Variants in MYO5C observed in about 807,000 individuals in gnomAD.
The protein encoded by MYO5C is myosin VC.
A neutral mutation model predicts 235.7 loss-of-function variants in MYO5C; 194 were observed. The ratio of observed to expected loss-of-function variants is 0.82; its 90% CI spans 0.73 to 0.93. The LOEUF is 0.93. Ranked by LOEUF, MYO5C falls within the 40% of genes least tolerant of loss-of-function variation. MYO5C has a pLI of 0.00. For missense variants in MYO5C, 2,038 were observed against 2,127.2 expected, an observed-to-expected ratio of 0.96 and a Z score of 0.82; for synonymous variants, 707 against 754.8, an observed-to-expected ratio of 0.94 and a Z score of 1.04.
intron 21 of MYO5C, among the ~76,000 whole-genome samples, chr15:52,238,161 A>C (rs941422844): frequency 6.6e-6 from 1 of 152,192 alleles, no homozygotes; most frequent in African/African-American, 2.4e-5. Flanking sequence ...GAGAGGCCTC[A>C]GAAGAAACCA....
chr15:52,248,819 G>C (rs1273494406), intron 13 of MYO5C, 36 bp from the exon 14 acceptor site: 2 of 1,445,192 alleles, frequency 1.4e-6, no homozygotes, highest in South Asian at 1.2e-5. Flanking sequence ...TCCCAAAGAG[G>C]CCAAAGAATA....
Position 52,264,205 on chromosome 15 carries a change from C to T in MYO5C, c.1032G>A (p.Glu344=), listed in dbSNP as rs1364048177. The change falls in exon 9 of 41, where the codon GAG becomes GAA. Residue 344 remains glutamate, a synonymous_variant. Transcript: ENST00000261839. The part of the protein sequence containing the change: ...GNVQITAVGN[E]RSSVSEDDSH... ...AGCATCTCACACTAACTGAGGACCT[C>T]TCGTTGCCCACCGCGGTGATCTGCA... The T allele has an allele frequency of 6.2e-7, 1 of 1,613,072 alleles. No homozygotes were observed. The highest frequency in any genetic ancestry group is 1.7e-5 in the Admixed American group (1 of 59,966).
In MYO5C at chr15:52,218,555, G is replaced by C. The variant is rs758636522; in HGVS notation, c.3918C>G (p.Phe1306Leu). ...AAGTGAGCCGGGATGCTTCCTGCCG[G>C]AAGTTACACTTGACTTCACTTTCAG... The part of the protein sequence containing the change: ...FETESEVKCN[F>L]RQEASRLTLE... The change falls in exon 32 of 41, where the codon TTC becomes TTG. Residue 1306 changes from phenylalanine (F) to leucine (L), a missense_variant. Transcript: ENST00000261839. 6.2e-7 allele frequency: 1 copy of C among 1,614,100 alleles called. No individual in the cohort carries two copies. Among genetic ancestry groups the C allele is most frequent in the Non-Finnish European group, 8.5e-7 (1 of 1,180,040 alleles).
At chr15:52,221,397 G>T in intron 29 of MYO5C, 142 bp from the exon 30 acceptor site, 1 of 582,010 alleles carries the variant, frequency 1.7e-6, no homozygotes, top group Admixed American at 3.2e-5. Flanking sequence ...ACATTAGACT[G>T]GATTAACATT....
At chr15:52,247,140 C>G (rs2036366442) in intron 15 of MYO5C, 126 bp from the exon 16 acceptor site, 1 of 771,860 alleles carries the variant, frequency 1.3e-6, no homozygotes, top group Non-Finnish European at 2.1e-6. Context: ...GCATAAACAC[C>G]TATTATGAAA....
chr15:52,204,814 A>G (rs1413150924), intron 38 of MYO5C, 51 bp downstream of exon 38: 1 of 1,588,618 alleles, frequency 6.3e-7, no homozygotes. Context: ...GGACTTCAAG[A>G]GCATCCTTTC....
Position 52,239,720 on chromosome 15 carries a change from TA to T in MYO5C, c.2703+12del. 6.3e-7 allele frequency: 1 copy of T among 1,586,526 alleles called. No individual in the cohort carries two copies. Among genetic ancestry groups the T allele is most frequent in the Non-Finnish European group, 8.6e-7 (1 of 1,163,356 alleles). On this transcript the variant is annotated intron_variant, in intron 21 of 40. Transcript: ENST00000261839. ...GAAAAAGTAAATGTAAAAGATGCAC[TA>T]TGAGCACCTACCTGATCTTCCAACT...
chr15:52,242,424 C>T, intron 19 of MYO5C: 2 of 538,560 alleles, frequency 3.7e-6, no homozygotes, highest in Non-Finnish European at 6.6e-6. Flanking sequence ...AACTTTCACT[C>T]TTTTCATTCA....
intron 23 of MYO5C, among the ~76,000 whole-genome samples, 176 bp downstream of exon 23, chr15:52,235,494 G>C (rs982724440): frequency 1.3e-5 from 2 of 152,174 alleles, no homozygotes; most frequent in African/African-American, 2.4e-5. Flanking sequence ...TAAAACAGAC[G>C]AATCTGTAGG....
rs2034956788 is a variant in MYO5C, at chr15:52,192,716, T to G, written c.*1186A>C. On this transcript the variant is annotated 3_prime_UTR_variant, in exon 41 of 41. Coordinates refer to ENST00000261839, the MANE Select transcript of MYO5C (RefSeq NM_018728.4). The stretch of plus-strand genomic sequence containing the variant: ...TTGGGAAACGTAGATTTCTCAAAAG[T>G]AGGGTCCGACACAATTTTTTAGTTA... 6.6e-6 allele frequency: 1 copy of G among 152,186 alleles called. No individual in the cohort carries two copies. Among genetic ancestry groups the G allele is most frequent in the African/African-American group, 2.4e-5 (1 of 41,442 alleles). 9.4% of individuals were successfully genotyped at this position (152,186 alleles called of 1,614,324 possible). A position where few individuals can be genotyped will look rare whatever the true frequency, so the allele number is the denominator to read the frequency against.
At chr15:52,237,787 G>T in intron 21 of MYO5C, 141 bp from the exon 22 acceptor site, 1 of 747,482 alleles carries the variant, frequency 1.3e-6, no homozygotes, top group Non-Finnish European at 2.2e-6. Flanking sequence ...ACTGACATTT[G>T]TTAGCATCTT....
At position 52,213,276 on chromosome 15, in the gene MYO5C, C is replaced by A. The variant is rs770965207; in HGVS notation, c.4053G>T (p.Val1351=). 2.5e-6 allele frequency: 4 copies of A among 1,613,442 alleles called. No homozygotes were observed. In the East Asian group the frequency reaches 8.9e-5, roughly 36 times the overall value. Residue 1351 remains valine, a synonymous_variant, in exon 34 of 41, where the codon GTG becomes GTT. Transcript: ENST00000261839. ...ACTCCTTGGGTCCTGAGGACGAGTG[C>A]ACATCATTGGCTGTAGACAGAGGCA... ...LSKTIGKAND[V]HSSSGPKEYL... is the part of the protein sequence containing the mutation.
chr15:52,205,272 T>A (rs1566960927), intron 37 of MYO5C, 125 bp from the exon 38 acceptor site: 10 of 1,086,614 alleles, frequency 9.2e-6, no homozygotes, highest in Non-Finnish European at 1.2e-5. Context: ...GTACTTATGA[T>A]AGAGAAAGCA....
In MYO5C at chr15:52,221,208, C is replaced by T; in HGVS notation, c.3675G>A (p.Lys1225=). The T allele has an allele frequency of 1.4e-5, 23 of 1,613,310 alleles. No homozygotes were observed. Among genetic ancestry groups the T allele is most frequent in the Non-Finnish European group, 1.9e-5 (23 of 1,179,590 alleles). The part of the protein sequence containing the change: ...KQQISELEKQ[K]QDLEIRLNEQ... ...CATTCAGGCGGATTTCAAGATCTTG[C>T]TTCTGTTTCTCCAATTCTGAAATTT... Residue 1225 remains lysine (K), a synonymous_variant, in exon 30 of 41, where the codon AAG becomes AAA. Coordinates refer to ENST00000261839, the MANE Select transcript of MYO5C (RefSeq NM_018728.4).
chr15:52,286,541 C>T (rs1247619905), intron 1 of MYO5C, among the ~76,000 whole-genome samples: 10 of 152,046 alleles, frequency 6.6e-5, no homozygotes, highest in East Asian at 1.9e-4. Flanking sequence ...GGATGGTTGC[C>T]GTGTCTGTGT....
At position 52,237,686 on chromosome 15, in the gene MYO5C, A is replaced by C. The variant is rs1179179145; in HGVS notation, c.2704-40T>G. On this transcript the variant is annotated intron_variant, in intron 21 of 40. Coordinates refer to ENST00000261839, the MANE Select transcript of MYO5C (RefSeq NM_018728.4). ...ATTCAGATGTTTAGAGGTTAATCCAAACAAAGATGCTGTTCCATTTAATTC... is the reference window on the plus strand; with the variant it reads ...ATTCAGATGTTTAGAGGTTAATCCACACAAAGATGCTGTTCCATTTAATTC... 7 of 1,576,380 alleles carry C rather than the reference A, an allele frequency of 4.4e-6. No homozygotes were observed. The Admixed American group carries it at 1.3e-4, about 29-fold the overall frequency.
At chr15:52,201,991 TA>T (rs1022523631) in intron 38 of MYO5C, among the ~76,000 whole-genome samples, 2 of 140,280 alleles carry the variant, frequency 1.4e-5, no homozygotes, top group African/African-American at 5.3e-5. Context: ...AAGAAGCAGA[TA>T]AAGAAAATGG....
In MYO5C at chr15:52,205,123, C is replaced by T. The variant is rs372770670; in HGVS notation, c.4562G>A (p.Ser1521Asn). The T allele has an allele frequency of 3.1e-6, 5 of 1,614,008 alleles. No homozygotes were observed. Among genetic ancestry groups the T allele is most frequent in the Admixed American group, 1.7e-5 (1 of 60,006 alleles). The stretch of plus-strand genomic sequence containing the variant: ...CTTCAGGCCGGAAATGCCCTGCAGG[C>T]TCTCATACTCCAGCATTCCCGGAAC... ...IIVPGMLEYE[S>N]LQGISGLKPT... is the part of the protein sequence containing the mutation. Residue 1521 changes from serine to asparagine, a missense_variant, in exon 38 of 41, where the codon AGC becomes AAC. Transcript: ENST00000261839.
intron 37 of MYO5C, 67 bp downstream of exon 37, chr15:52,205,749 C>G: frequency 2.0e-6 from 2 of 1,021,616 alleles, no homozygotes; most frequent in Non-Finnish European, 2.8e-6. Context: ...TTACACATAC[C>G]AAGTTTATGT....
Sources: allele counts gnomAD v4.1 joint callset (sites outside exome capture counted in the v4.1 genomes callset), GRCh38; gene constraint gnomAD v4.1.1; transcripts MANE v1.5; gene names NCBI Gene and HGNC (gene_info 2026-07-23, HGNC 2026-07-21).